CAP2: variants seen among roughly 807,000 people sequenced by gnomAD.
CAP2 encodes the protein cyclase associated actin cytoskeleton regulatory protein 2, also known as adenylyl cyclase-associated protein 2.
Under a neutral mutation model 57.7 loss-of-function variants are expected in CAP2, and 24 were observed. The observed-to-expected ratio is 0.42, with a 90% CI of 0.30 to 0.58. CAP2 has a LOEUF of 0.58. Ranked by LOEUF, CAP2 falls within the 20% of genes least tolerant of loss-of-function variation. The pLI, the probability that CAP2 is intolerant of heterozygous loss-of-function variation, is 0.22. For missense variants in CAP2, 501 were observed against 590.3 expected, an observed-to-expected ratio of 0.85 and a Z score of 1.57; for synonymous variants, 194 against 207.2, an observed-to-expected ratio of 0.94 and a Z score of 0.55.
intron 4 of CAP2, among the ~76,000 whole-genome samples, chr6:17,472,487 T>C (rs1293732621): frequency 1.3e-5 from 2 of 152,258 alleles, no homozygotes; most frequent in Non-Finnish European, 2.9e-5. Flanking sequence ...TTATGTAGTA[T>C]AGGTAAAAAC....
intron 12 of CAP2, among the ~76,000 whole-genome samples, chr6:17,555,594 A>G (rs1282343390): frequency 7.3e-6 from 1 of 136,366 alleles, no homozygotes; most frequent in Non-Finnish European, 1.6e-5. Context: ...TGGAGTTTTC[A>G]CTTTTGTTGC....
At chr6:17,520,125 T>G (rs1762357948) in intron 7 of CAP2, among the ~76,000 whole-genome samples, 1 of 151,920 alleles carries the variant, frequency 6.6e-6, no homozygotes, top group Admixed American at 6.6e-5. Flanking sequence ...TTTGTTTTTT[T>G]GATACAGAGT....
intron 4 of CAP2, among the ~76,000 whole-genome samples, chr6:17,486,099 A>G (rs376924474): frequency 2.0e-5 from 3 of 152,108 alleles, no homozygotes; most frequent in East Asian, 1.9e-4. Context: ...AGTCCCAGCT[A>G]TCTGGGAGGC....
intron 7 of CAP2, among the ~76,000 whole-genome samples, chr6:17,523,924 A>C (rs1340281490): frequency 6.6e-6 from 1 of 152,176 alleles, no homozygotes; most frequent in Non-Finnish European, 1.5e-5. Context: ...AAATACAAAA[A>C]TTAGCTGGGC....
chr6:17,468,277 T>G (rs1760926143), intron 4 of CAP2, among the ~76,000 whole-genome samples: 1 of 152,214 alleles, frequency 6.6e-6, no homozygotes, highest in African/African-American at 2.4e-5. Flanking sequence ...ATTTCAAATT[T>G]CCTTTCTCAC....
chr6:17,499,459 T>G (rs1299011229), intron 4 of CAP2, among the ~76,000 whole-genome samples: 1 of 150,690 alleles, frequency 6.6e-6, no homozygotes, highest in Non-Finnish European at 1.5e-5. Flanking sequence ...AGCTTCTCCC[T>G]GAGATACCAC....
At chr6:17,422,712 A>G (rs1376231990) in intron 2 of CAP2, among the ~76,000 whole-genome samples, 2 of 152,132 alleles carry the variant, frequency 1.3e-5, no homozygotes. Context: ...TAATTATATC[A>G]TCAAAAATAA....
intron 7 of CAP2, among the ~76,000 whole-genome samples, chr6:17,517,826 G>A (rs544618502): frequency 4.7e-4 from 72 of 152,184 alleles, no homozygotes; most frequent in Admixed American, 9.8e-4. Flanking sequence ...GCTTGAACCC[G>A]GGAGGCAGTG....
intron 1 of CAP2, among the ~76,000 whole-genome samples, chr6:17,411,203 T>C (rs1490782936): frequency 2.6e-5 from 4 of 152,250 alleles, no homozygotes; most frequent in Non-Finnish European, 5.9e-5. Context: ...CACAGGTTAA[T>C]GGACATTTGG....
chr6:17,477,889 T>C (rs1333343885), intron 4 of CAP2, among the ~76,000 whole-genome samples: 1 of 151,748 alleles, frequency 6.6e-6, no homozygotes, highest in African/African-American at 2.4e-5. Flanking sequence ...TTTTTAACTT[T>C]GCTTCTGTTC....
intron 3 of CAP2, among the ~76,000 whole-genome samples, chr6:17,453,409 C>T (rs1347057971): frequency 6.6e-6 from 1 of 152,184 alleles, no homozygotes. Context: ...AGACAAATGC[C>T]TATGAAATCC....
At chr6:17,530,801 A>AT (rs546229695) in intron 7 of CAP2, 21 of 568,482 alleles carry the variant, frequency 3.7e-5, no homozygotes, top group Middle Eastern at 1.0e-3. Context: ...TATTTTTTTC[A>AT]TTTTTTTGGT....
intron 7 of CAP2, among the ~76,000 whole-genome samples, chr6:17,538,104 T>G (rs1277448499): frequency 6.6e-6 from 1 of 151,628 alleles, no homozygotes; most frequent in Non-Finnish European, 1.5e-5. Flanking sequence ...TAGGCCAAGT[T>G]TGTGGTATAT....
intron 4 of CAP2, among the ~76,000 whole-genome samples, chr6:17,470,406 T>G (rs536529817): frequency 6.6e-6 from 1 of 152,348 alleles, no homozygotes; most frequent in East Asian, 1.9e-4. Context: ...TCATTATTAG[T>G]CAGTGTTGTC....
chr6:17,423,154 C>T (rs1247201175), intron 2 of CAP2, among the ~76,000 whole-genome samples: 2 of 152,130 alleles, frequency 1.3e-5, no homozygotes, highest in South Asian at 2.1e-4. Context: ...AAGCTTTCAC[C>T]AGGAAAGACC....
chr6:17,479,252 C>T (rs1056696274), intron 4 of CAP2, among the ~76,000 whole-genome samples: 1 of 152,158 alleles, frequency 6.6e-6, no homozygotes, highest in East Asian at 1.9e-4. Context: ...ACACCTCCTC[C>T]AAATGCTGGG....
At chr6:17,463,192 G>A (rs1260971583) in intron 4 of CAP2, 119 bp downstream of exon 4, 6 of 682,678 alleles carry the variant, frequency 8.8e-6, no homozygotes, top group Non-Finnish European at 1.6e-5. Context: ...CTTACAGCAC[G>A]TGTATGTTCT....
intron 1 of CAP2, among the ~76,000 whole-genome samples, chr6:17,404,356 A>C (rs1758894214): frequency 6.6e-6 from 1 of 152,222 alleles, no homozygotes; most frequent in Non-Finnish European, 1.5e-5. Flanking sequence ...CTGTAATCCC[A>C]GCACTTTGGG....
chr6:17,547,623 C>T (rs1230015093), intron 11 of CAP2, among the ~76,000 whole-genome samples: 5 of 151,944 alleles, frequency 3.3e-5, no homozygotes, highest in South Asian at 2.1e-4. Flanking sequence ...GGGCAAATCA[C>T]GAGGTCCGGA....
Sources: allele counts gnomAD v4.1 joint callset (sites outside exome capture counted in the v4.1 genomes callset), GRCh38; gene constraint gnomAD v4.1.1; transcripts MANE v1.5; gene names NCBI Gene and HGNC (gene_info 2026-07-23, HGNC 2026-07-21).